IGF1R: variants seen among roughly 807,000 people sequenced by gnomAD.
IGF1R encodes insulin-like growth factor 1 receptor.
A neutral mutation model predicts 144.6 loss-of-function variants in IGF1R; 44 were observed. That is an observed-to-expected ratio of 0.30 (90% CI 0.24 to 0.39). The LOEUF is 0.39. Ranked by LOEUF, IGF1R falls within the 10% of genes least tolerant of loss-of-function variation. The pLI, the probability that IGF1R is intolerant of heterozygous loss-of-function variation, is 1.00. For missense variants in IGF1R, 1,355 were observed against 1,833.7 expected (o/e 0.74, Z 4.77); for synonymous variants, 795 against 722.8 (o/e 1.10, Z -1.60).
At chr15:98,686,676 T>A (rs1409930788) in intron 1 of IGF1R, among the ~76,000 whole-genome samples, 1 of 151,990 alleles carries the variant, frequency 6.6e-6, no homozygotes, top group Non-Finnish European at 1.5e-5. Context: ...TTTAATTTTT[T>A]TTTTTTTTCT....
chr15:98,910,394 C>A (rs552168674), intron 6 of IGF1R, among the ~76,000 whole-genome samples: 1 of 152,226 alleles, frequency 6.6e-6, no homozygotes. Flanking sequence ...AATAACACTT[C>A]AGCAGGAACT....
chr15:98,651,877 C>T (rs781247606), intron 1 of IGF1R, among the ~76,000 whole-genome samples: 1 of 150,860 alleles, frequency 6.6e-6, no homozygotes, highest in Non-Finnish European at 1.5e-5. Flanking sequence ...CTCCCTCCAT[C>T]TCTGAAATGT....
chr15:98,655,661 C>T (rs72767936), intron 1 of IGF1R, among the ~76,000 whole-genome samples: 5,257 of 151,434 alleles, frequency 0.035, 118 homozygotes, highest in Non-Finnish European at 0.052. Flanking sequence ...AAAAATAAAA[C>T]GAAACAAACT....
rs10528336 is a variant in IGF1R, at chr15:98,688,414, CTGTGTGTGTG to C, written c.95-19119_95-19110del. Among the ~76,000 whole-genome samples, 461 of 143,614 alleles carry C rather than the reference CTGTGTGTGTG, an allele frequency of 3.2e-3. 2 individuals are homozygous for C. The highest frequency in any genetic ancestry group is 0.014 in the Middle Eastern group (4 of 282). The allele number at this position is 143,614 out of a possible 152,430, so 94.2% of individuals were successfully genotyped here. On this transcript the variant is annotated intron_variant, in intron 1 of 20. Coordinates refer to ENST00000650285, the MANE Select transcript of IGF1R (RefSeq NM_000875.5). ...CTTCGACTCACCACACAACACACAC[CTGTGTGTGTG>C]TGTGTGTGTGTGTGTGTGTGTGTGT... is the stretch of plus-strand genomic sequence containing the variant.
At chr15:98,765,307 C>CTTTTTTTTTTTTTTTTTTTTTTTTTTT (rs2055408113) in intron 2 of IGF1R, among the ~76,000 whole-genome samples, 1 of 116,092 alleles carries the variant, frequency 8.6e-6, no homozygotes. Context: ...CATGCCAACA[C>CTTTTTTTTTTTTTTTTTTTTTTTTTTT]CTTTTTTTTT....
Position 98,924,670 on chromosome 15 carries a change from A to G in IGF1R, c.2768A>G (p.Tyr923Cys), listed in dbSNP as rs2015633949. 1 of 1,614,088 alleles carries G rather than the reference A, an allele frequency of 6.2e-7. No homozygotes were observed. Among genetic ancestry groups the G allele is most frequent in the Non-Finnish European group, 8.5e-7 (1 of 1,179,994 alleles). The change falls in exon 13 of 21, where the codon TAT becomes TGT. Residue 923 changes from tyrosine (Y) to cysteine (C), a missense_variant. This residue lies in a region of IGF1R where 880 missense variants were observed against 1,202.7 expected (regional missense o/e 0.73). Coordinates refer to ENST00000650285, the MANE Select transcript of IGF1R (RefSeq NM_000875.5). ...TCGTGGACAGATCCTGTGTTCTTCTATGTCCAGGCCAAAAGTAAGGCTTGT... is the reference window on the plus strand; with the variant it reads ...TCGTGGACAGATCCTGTGTTCTTCTGTGTCCAGGCCAAAAGTAAGGCTTGT... ...NGSWTDPVFF[Y>C]VQAKTGYENF...
chr15:98,766,379 T>C (rs972167844), intron 2 of IGF1R, among the ~76,000 whole-genome samples: 4 of 152,230 alleles, frequency 2.6e-5, no homozygotes, highest in African/African-American at 9.6e-5. Context: ...CCTTTCACTT[T>C]TCCTCCATTT....
At chr15:98,952,087 A>G (rs1167294152) in intron 20 of IGF1R, among the ~76,000 whole-genome samples, 1 of 152,222 alleles carries the variant, frequency 6.6e-6, no homozygotes, top group Admixed American at 6.5e-5. Context: ...CCACAGGTAC[A>G]TAGTTTGCCT....
intron 2 of IGF1R, among the ~76,000 whole-genome samples, chr15:98,830,337 T>C (rs1025209687): frequency 1.3e-5 from 2 of 152,226 alleles, no homozygotes; most frequent in Non-Finnish European, 2.9e-5. Context: ...TCCTTTGCCA[T>C]GTGTTTTCAT....
intron 2 of IGF1R, among the ~76,000 whole-genome samples, chr15:98,732,527 C>T (rs1165280898): frequency 6.6e-6 from 1 of 152,020 alleles, no homozygotes. Context: ...CTGGCAGAGC[C>T]GTGGGTGGAG....
In IGF1R at chr15:98,916,702, G is replaced by C. The variant is rs747239698; in HGVS notation, c.2027G>C (p.Gly676Ala). 6.2e-7 allele frequency: 1 copy of C among 1,614,134 alleles called. No individual in the cohort carries two copies. The highest frequency in any genetic ancestry group is 2.2e-5 in the East Asian group (1 of 44,882). Residue 676 changes from glycine (G) to alanine (A), a missense_variant, in exon 10 of 21, where the codon GGC becomes GCC. Physicochemically the swap from Gly to Ala is moderately conservative, Grantham distance 60. Coordinates refer to ENST00000650285, the MANE Select transcript of IGF1R (RefSeq NM_000875.5). Reference sequence around the variant, plus strand: ...ATCCCCATCAGGAAGTATGCCGACGGCACCATCGACATTGAGGAGGTCACA... The same window carrying C: ...ATCCCCATCAGGAAGTATGCCGACGCCACCATCGACATTGAGGAGGTCACA... ...DKIPIRKYAD[G>A]TIDIEEVTEN... is the part of the protein sequence containing the mutation.
At chr15:98,915,541 T>G (rs2084082788) in intron 8 of IGF1R, among the ~76,000 whole-genome samples, 1 of 152,228 alleles carries the variant, frequency 6.6e-6, no homozygotes, top group South Asian at 2.1e-4. Context: ...TTATCAGAGA[T>G]TCAAAATCTC....
intron 2 of IGF1R, among the ~76,000 whole-genome samples, chr15:98,868,100 G>A (rs563097946): frequency 1.7e-4 from 26 of 152,094 alleles, no homozygotes; most frequent in African/African-American, 6.0e-4. Flanking sequence ...ACTCAGAGAA[G>A]TGTTTGAACC....
chr15:98,753,493 A>G (rs1255078908), intron 2 of IGF1R, among the ~76,000 whole-genome samples: 1 of 148,480 alleles, frequency 6.7e-6, no homozygotes, highest in African/African-American at 2.5e-5. Flanking sequence ...TTGGCTTCTC[A>G]AAGTGCTAGG....
chr15:98,928,566 C>T (rs1228698668), intron 13 of IGF1R, among the ~76,000 whole-genome samples: 1 of 152,192 alleles, frequency 6.6e-6, no homozygotes, highest in Non-Finnish European at 1.5e-5. Flanking sequence ...TCTCCAGTAT[C>T]ATCATTTTCT....
intron 2 of IGF1R, among the ~76,000 whole-genome samples, chr15:98,840,755 A>G (rs1374574706): frequency 6.7e-6 from 1 of 148,906 alleles, no homozygotes; most frequent in Admixed American, 6.8e-5. Flanking sequence ...AGCTCACTGC[A>G]GCCTCTCCCT....
intron 2 of IGF1R, among the ~76,000 whole-genome samples, chr15:98,745,957 C>G (rs77763063): frequency 6.6e-6 from 1 of 152,152 alleles, no homozygotes; most frequent in Non-Finnish European, 1.5e-5. Flanking sequence ...GATAGTAATA[C>G]GTTAGAAATA....
chr15:98,700,190 C>T (rs1330975995), intron 1 of IGF1R, among the ~76,000 whole-genome samples: 8 of 152,080 alleles, frequency 5.3e-5, no homozygotes, highest in South Asian at 4.1e-4. Context: ...CTTCTCTGAG[C>T]GCAAGGAGGG....
At position 98,934,956 on chromosome 15, in the gene IGF1R, T is replaced by C; in HGVS notation, c.3089T>C (p.Val1030Ala). Residue 1030 changes from valine (V) to alanine (A), a missense_variant, in exon 16 of 21, where the codon GTG (valine) becomes GCG (alanine). Coordinates refer to ENST00000650285, the MANE Select transcript of IGF1R (RefSeq NM_000875.5). ...GVVKDEPETRVAIKTVNEAAS... is the reference protein window; with the variant it reads ...GVVKDEPETRAAIKTVNEAAS... Reference sequence around the variant, plus strand: ...GTGAAAGATGAACCTGAAACCAGAGTGGCCATTAAAACAGTGAACGAGGCC... The same window carrying C: ...GTGAAAGATGAACCTGAAACCAGAGCGGCCATTAAAACAGTGAACGAGGCC... 6.2e-7 allele frequency: 1 copy of C among 1,614,076 alleles called. No homozygotes were observed. The highest frequency in any genetic ancestry group is 8.5e-7 in the Non-Finnish European group (1 of 1,180,018).
Sources: gnomAD v4.1 joint callset for allele counts (sites outside exome capture counted in the v4.1 genomes callset) on GRCh38, gnomAD v4.1.1 for gene constraint, gnomAD v4.1.1 regional missense constraint, MANE v1.5 for transcripts, NCBI Gene and HGNC (gene_info 2026-07-23, HGNC 2026-07-21) for gene names.